Variants in CSMD3 observed in about 807,000 individuals in gnomAD.
CSMD3 encodes the protein CUB and sushi domain-containing protein 3.
Under a neutral mutation model 435.2 loss-of-function variants are expected in CSMD3, and 177 were observed. The ratio of observed to expected loss-of-function variants is 0.41; its 90% CI spans 0.36 to 0.46. The LOEUF is 0.46. Among genes scored for constraint, CSMD3 ranks in the 20% least tolerant of loss-of-function variants. CSMD3 has a pLI of 0.34. For synonymous variants in CSMD3, 1,656 were observed against 1,520.5 expected (o/e 1.09, Z -2.07); for missense variants, 4,265 against 4,504.6 (o/e 0.95, Z 1.52).
intron 5 of CSMD3, among the ~76,000 whole-genome samples, chr8:113,078,908 T>A (rs931792265): frequency 6.6e-6 from 1 of 152,142 alleles, no homozygotes; most frequent in East Asian, 1.9e-4. Flanking sequence ...TGGAGCAAAG[T>A]ATACTGGGAA....
At chr8:112,410,355 AT>A (rs1832222459) in intron 32 of CSMD3, among the ~76,000 whole-genome samples, 1 of 151,136 alleles carries the variant, frequency 6.6e-6, no homozygotes, top group Non-Finnish European at 1.5e-5. Flanking sequence ...ATGAATACAA[AT>A]TTATGTTTCC....
chr8:113,265,672 T>C (rs1326528432), intron 3 of CSMD3, among the ~76,000 whole-genome samples: 1 of 151,604 alleles, frequency 6.6e-6, no homozygotes, highest in Non-Finnish European at 1.5e-5. Context: ...TAAGTTTCTT[T>C]ATTTTGAAGA....
At chr8:113,353,486 T>C (rs1405944792) in intron 1 of CSMD3, among the ~76,000 whole-genome samples, 1 of 152,204 alleles carries the variant, frequency 6.6e-6, no homozygotes, top group Non-Finnish European at 1.5e-5. Context: ...AATTATTCAA[T>C]TGCCTCAAAT....
intron 1 of CSMD3, among the ~76,000 whole-genome samples, chr8:113,326,663 T>C (rs1236680706): frequency 1.3e-5 from 2 of 152,278 alleles, no homozygotes; most frequent in East Asian, 3.9e-4. Context: ...GATCTCTGAA[T>C]TATTAACTAA....
chr8:113,251,376 C>T (rs532615249), intron 3 of CSMD3, among the ~76,000 whole-genome samples: 2 of 151,952 alleles, frequency 1.3e-5, no homozygotes, highest in Non-Finnish European at 2.9e-5. Context: ...TCATACTGAT[C>T]GCACAACTAA....
chr8:112,828,264 A>C (rs1436251008), intron 12 of CSMD3, among the ~76,000 whole-genome samples: 2 of 152,158 alleles, frequency 1.3e-5, no homozygotes, highest in African/African-American at 4.8e-5. Flanking sequence ...GTTAAGAATG[A>C]AGTTACAAAA....
chr8:112,278,319 A>C (rs3922407), intron 59 of CSMD3, among the ~76,000 whole-genome samples: 30,577 of 152,090 alleles, frequency 0.2, 3,654 homozygotes, highest in East Asian at 0.36. Flanking sequence ...GCTGATTTTG[A>C]TGCATTTTCT....
At chr8:112,934,123 A>G (rs1394461613) in intron 9 of CSMD3, among the ~76,000 whole-genome samples, 1 of 152,186 alleles carries the variant, frequency 6.6e-6, no homozygotes, top group Non-Finnish European at 1.5e-5. Flanking sequence ...AGGATAAGGC[A>G]TACTAGTTTA....
At chr8:112,894,192 T>C (rs1434669083) in intron 10 of CSMD3, among the ~76,000 whole-genome samples, 1 of 151,476 alleles carries the variant, frequency 6.6e-6, no homozygotes, top group African/African-American at 2.4e-5. Flanking sequence ...ATGTAAAAAA[T>C]GCTTTTCAGG....
At chr8:112,234,256 G>A (rs1209606183) in intron 68 of CSMD3, 109 bp downstream of exon 68, 3 of 682,978 alleles carry the variant, frequency 4.4e-6, no homozygotes, top group East Asian at 5.4e-5. Flanking sequence ...TAATATATAT[G>A]TATGTGTATG....
chr8:113,351,613 T>C (rs1379337105), intron 1 of CSMD3, among the ~76,000 whole-genome samples: 1 of 152,156 alleles, frequency 6.6e-6, no homozygotes, highest in Non-Finnish European at 1.5e-5. Flanking sequence ...AAATTGAATG[T>C]ATTCACTATG....
chr8:112,329,812 A>T (rs1823866125), intron 45 of CSMD3, among the ~76,000 whole-genome samples: 1 of 152,166 alleles, frequency 6.6e-6, no homozygotes, highest in African/African-American at 2.4e-5. Context: ...GTAATAATTA[A>T]GTAGTCATTT....
At chr8:113,338,280 A>C (rs545716737) in intron 1 of CSMD3, among the ~76,000 whole-genome samples, 1 of 152,046 alleles carries the variant, frequency 6.6e-6, no homozygotes, top group Non-Finnish European at 1.5e-5. Context: ...ATAGAATGAG[A>C]AATCTCAAAA....
intron 11 of CSMD3, among the ~76,000 whole-genome samples, chr8:112,842,722 A>C (rs2080215194): frequency 1.3e-5 from 2 of 151,776 alleles, no homozygotes; most frequent in Non-Finnish European, 2.9e-5. Context: ...GGTACTTTTT[A>C]TATTTGTGTA....
At chr8:113,194,161 T>A (rs1017871933) in intron 3 of CSMD3, among the ~76,000 whole-genome samples, 5 of 151,352 alleles carry the variant, frequency 3.3e-5, no homozygotes, top group Non-Finnish European at 4.4e-5. Flanking sequence ...GATAAAACAG[T>A]AGGGGACACT....
chr8:113,391,585 G>A (rs921936611), intron 1 of CSMD3, among the ~76,000 whole-genome samples: 3 of 151,960 alleles, frequency 2.0e-5, no homozygotes, highest in African/African-American at 7.2e-5. Context: ...GATTAAATCT[G>A]AAGTTTTATT....
intron 5 of CSMD3, among the ~76,000 whole-genome samples, chr8:113,065,344 A>G (rs2088806137): frequency 6.6e-6 from 1 of 152,146 alleles, no homozygotes; most frequent in Admixed American, 6.6e-5. Context: ...TTAAAGTCCA[A>G]ATAAGAGGCA....
intron 32 of CSMD3, among the ~76,000 whole-genome samples, chr8:112,426,252 G>T (rs1380230896): frequency 6.6e-6 from 1 of 152,114 alleles, no homozygotes; most frequent in Non-Finnish European, 1.5e-5. Context: ...GGGGTGGGGA[G>T]TGAGGGTGAA....
At chr8:112,962,645 A>AG (rs2084273757) in intron 7 of CSMD3, among the ~76,000 whole-genome samples, 1 of 152,002 alleles carries the variant, frequency 6.6e-6, no homozygotes, top group African/African-American at 2.4e-5. Context: ...TTCACTAGAA[A>AG]TATTAATATC....
Sources: gnomAD v4.1 joint callset for allele counts (sites outside exome capture counted in the v4.1 genomes callset) on GRCh38, gnomAD v4.1.1 for gene constraint, MANE v1.5 for transcripts, NCBI Gene and HGNC (gene_info 2026-07-23, HGNC 2026-07-21) for gene names.